The following QTMAN variants were observed in gnomAD, a reference collection of about 807,000 sequenced individuals.
The protein encoded by QTMAN is queuosine-tRNA mannosyltransferase.
the QTMAN span, chr2:144,317,431 A>AAGGAAGGAAGGG: frequency 1.7e-4 from 26 of 151,714 alleles, no homozygotes; most frequent in Non-Finnish European, 2.9e-4. Flanking sequence ...GGAAGGAAGG[A>AAGGAAGGAAGGG]AGGGACAATA....
the QTMAN span, among the ~76,000 whole-genome samples, chr2:144,012,021 G>T: frequency 2.0e-5 from 3 of 152,006 alleles, no homozygotes; most frequent in African/African-American, 7.2e-5. Flanking sequence ...TCTAACTTTA[G>T]AAATATTCGG....
chr2:144,325,997 A>G, the QTMAN span, among the ~76,000 whole-genome samples: 1 of 152,258 alleles, frequency 6.6e-6, no homozygotes, highest in Non-Finnish European at 1.5e-5. Flanking sequence ...CTGGGATTGT[A>G]TAGAGAACAA....
the QTMAN span, chr2:144,145,933 TA>T: frequency 9.9e-4 from 148 of 149,708 alleles, no homozygotes; most frequent in Middle Eastern, 0.019. Flanking sequence ...CTTAGAACTA[TA>T]AAGTCCCCGA....
At chr2:144,332,584 T>A in the QTMAN span, 3 of 149,316 alleles carry the variant, frequency 2.0e-5, no homozygotes, top group African/African-American at 7.3e-5. Context: ...TCCGGGCGCG[T>A]CAGGCGCTGG....
the QTMAN span, among the ~76,000 whole-genome samples, chr2:144,103,914 AC>A: frequency 6.6e-6 from 1 of 151,846 alleles, no homozygotes; most frequent in Non-Finnish European, 1.5e-5. Flanking sequence ...ACATGGCAAA[AC>A]CCTGTCTCTA....
chr2:143,990,262 A>T, the QTMAN span, among the ~76,000 whole-genome samples: 1 of 152,210 alleles, frequency 6.6e-6, no homozygotes, highest in Non-Finnish European at 1.5e-5. Context: ...TTTAATTGGT[A>T]TAAGGTAGAC....
At chr2:144,232,113 T>C in the QTMAN span, among the ~76,000 whole-genome samples, 2 of 152,072 alleles carry the variant, frequency 1.3e-5, no homozygotes, top group Admixed American at 1.3e-4. Flanking sequence ...AAAAAGCCAC[T>C]TTGCAAGTTT....
the QTMAN span, among the ~76,000 whole-genome samples, chr2:144,289,080 C>G: frequency 1.5e-5 from 2 of 132,688 alleles, no homozygotes; most frequent in African/African-American, 5.9e-5. Context: ...GTCGCCCAGT[C>G]TGGAGCGCAG....
At chr2:144,029,828 T>C in the QTMAN span, among the ~76,000 whole-genome samples, 1 of 152,094 alleles carries the variant, frequency 6.6e-6, no homozygotes, top group Non-Finnish European at 1.5e-5. Flanking sequence ...TAGGCAGATA[T>C]TATCTTCCTA....
chr2:144,316,376 A>G, the QTMAN span, among the ~76,000 whole-genome samples: 1 of 152,186 alleles, frequency 6.6e-6, no homozygotes, highest in Non-Finnish European at 1.5e-5. Flanking sequence ...AATGAGCTTC[A>G]TGATACCATT....
the QTMAN span, among the ~76,000 whole-genome samples, chr2:144,040,882 T>C: frequency 2.0e-5 from 3 of 152,202 alleles, no homozygotes; most frequent in African/African-American, 7.2e-5. Flanking sequence ...GGATTTATTA[T>C]CATTATTTTT....
At chr2:144,327,430 C>T in the QTMAN span, among the ~76,000 whole-genome samples, 1 of 152,140 alleles carries the variant, frequency 6.6e-6, no homozygotes, top group African/African-American at 2.4e-5. Flanking sequence ...AAATTAAACA[C>T]TTGAAAAATA....
chr2:144,149,252 G>A, the QTMAN span, among the ~76,000 whole-genome samples: 1 of 151,882 alleles, frequency 6.6e-6, no homozygotes, highest in Non-Finnish European at 1.5e-5. Context: ...AGGACACAAG[G>A]TGATAGCAAA....
the QTMAN span, among the ~76,000 whole-genome samples, chr2:144,274,834 C>T: frequency 6.6e-6 from 1 of 152,148 alleles, no homozygotes; most frequent in Non-Finnish European, 1.5e-5. Flanking sequence ...TTATACCTTA[C>T]ACCCAGTCAA....
the QTMAN span, among the ~76,000 whole-genome samples, chr2:144,187,742 T>C: frequency 1.3e-5 from 2 of 152,206 alleles, no homozygotes; most frequent in South Asian, 4.1e-4. Context: ...CACTGAATTC[T>C]GGGATGATGA....
chr2:144,206,232 G>A, the QTMAN span, among the ~76,000 whole-genome samples: 43 of 152,242 alleles, frequency 2.8e-4, no homozygotes, highest in African/African-American at 1.0e-3. Flanking sequence ...GGCAATATTG[G>A]TGCTTAATCA....
At chr2:144,323,115 A>C in the QTMAN span, among the ~76,000 whole-genome samples, 1 of 152,178 alleles carries the variant, frequency 6.6e-6, no homozygotes, top group East Asian at 1.9e-4. Context: ...CAAATTTCTA[A>C]GTCTAAATAG....
chr2:144,258,756 T>C, the QTMAN span, among the ~76,000 whole-genome samples: 2 of 151,898 alleles, frequency 1.3e-5, no homozygotes, highest in Admixed American at 1.3e-4. Flanking sequence ...AAGAAATGAA[T>C]CAAACTAAAG....
chr2:143,988,744 A>C, the QTMAN span, among the ~76,000 whole-genome samples: 2 of 152,226 alleles, frequency 1.3e-5, no homozygotes. Flanking sequence ...GAATGTGCTC[A>C]AACACTACAA....
Sources: allele counts gnomAD v4.1 joint callset (sites outside exome capture counted in the v4.1 genomes callset), GRCh38; gene constraint gnomAD v4.1.1; transcripts MANE v1.5; gene names NCBI Gene and HGNC (gene_info 2026-07-23, HGNC 2026-07-21).